Variants in STK32A observed in about 807,000 individuals in gnomAD.
STK32A encodes the protein serine/threonine kinase 32A, also known as serine/threonine-protein kinase 32A.
STK32A carries 41 observed loss-of-function variants against 53.2 expected under a neutral mutation model. That is an observed-to-expected ratio of 0.77 (90% CI 0.60 to 1.00). STK32A has a LOEUF of 1.00. Among genes scored for constraint, STK32A ranks in the 50% least tolerant of loss-of-function variants. The pLI is 0.00. For synonymous variants in STK32A, 166 were observed against 162.8 expected (o/e 1.02, Z -0.15); for missense variants, 458 against 485.8 (o/e 0.94, Z 0.54).
At chr5:147,389,575 C>A (rs527809951), downstream of STK32A, among the ~76,000 whole-genome samples, 1 of 152,268 alleles carries the variant, frequency 6.6e-6, no homozygotes, top group South Asian at 2.1e-4. Flanking sequence ...TGACAACCAA[C>A]TTTGTCCCAC....
chr5:147,255,753 C>T (rs1201792813), intron 2 of STK32A, among the ~76,000 whole-genome samples: 4 of 152,230 alleles, frequency 2.6e-5, no homozygotes, highest in Admixed American at 6.5e-5. Context: ...CCATTAACAG[C>T]ATCTCTAGTG....
intron 4 of STK32A, among the ~76,000 whole-genome samples, chr5:147,311,028 T>C (rs1446050955): frequency 6.6e-6 from 1 of 152,228 alleles, no homozygotes; most frequent in Non-Finnish European, 1.5e-5. Flanking sequence ...CAACCTGTTA[T>C]ATGATTTTTA....
At chr5:147,334,006 C>T (rs1754997856) in intron 5 of STK32A, among the ~76,000 whole-genome samples, 1 of 152,058 alleles carries the variant, frequency 6.6e-6, no homozygotes, top group South Asian at 2.1e-4. Context: ...ATATGAACAG[C>T]TCCTATTATA....
intron 4 of STK32A, among the ~76,000 whole-genome samples, chr5:147,307,028 T>C (rs1446509874): frequency 6.6e-6 from 1 of 152,140 alleles, no homozygotes; most frequent in East Asian, 1.9e-4. Flanking sequence ...TTACTAACAC[T>C]AAATGAGACA....
chr5:147,323,859 A>T (rs760720615), intron 4 of STK32A, 39 bp from the exon 5 acceptor site: 1 of 1,546,678 alleles, frequency 6.5e-7, no homozygotes, highest in Non-Finnish European at 8.8e-7. Flanking sequence ...TTAATGTGTA[A>T]ATATATTTGA....
intron 2 of STK32A, among the ~76,000 whole-genome samples, chr5:147,274,783 A>T (rs1205873279): frequency 6.6e-6 from 1 of 152,206 alleles, no homozygotes; most frequent in Non-Finnish European, 1.5e-5. Context: ...ATAGATGCAG[A>T]AAGGGAAGCA....
intron 4 of STK32A, among the ~76,000 whole-genome samples, chr5:147,306,365 T>A (rs868573784): frequency 3.9e-5 from 6 of 152,052 alleles, no homozygotes; most frequent in South Asian, 2.1e-4. Context: ...AAAAGTTTTT[T>A]AAAAACTTTT....
intron 9 of STK32A, among the ~76,000 whole-genome samples, chr5:147,371,882 TG>T (rs906039006): frequency 7.2e-5 from 11 of 152,166 alleles, no homozygotes; most frequent in African/African-American, 2.4e-4. Flanking sequence ...CTACATAGTT[TG>T]GGAAGCACAA....
chr5:147,263,038 TGAA>T (rs1460041134), intron 2 of STK32A, among the ~76,000 whole-genome samples: 7 of 152,218 alleles, frequency 4.6e-5, no homozygotes, highest in Non-Finnish European at 8.8e-5. Context: ...GTTTATCCTC[TGAA>T]GAAGAAGTTT....
chr5:147,239,842 T>C, intron 2 of STK32A, 156 bp downstream of exon 2: 1 of 606,918 alleles, frequency 1.6e-6, no homozygotes, highest in Non-Finnish European at 2.9e-6. Context: ...TGTAGGCTCA[T>C]AGCTAGGTTT....
intron 4 of STK32A, among the ~76,000 whole-genome samples, chr5:147,300,246 C>T (rs775843355): frequency 3.9e-5 from 6 of 152,154 alleles, no homozygotes; most frequent in Non-Finnish European, 8.8e-5. Context: ...GAAACTGAGG[C>T]TCAAAGGAGC....
chr5:147,263,594 C>T (rs1307275926), intron 2 of STK32A, among the ~76,000 whole-genome samples: 1 of 151,922 alleles, frequency 6.6e-6, no homozygotes, highest in African/African-American at 2.4e-5. Flanking sequence ...CAAAAATTTG[C>T]TTTGGGAAAA....
chr5:147,359,798 C>T (rs1756411859), intron 7 of STK32A, among the ~76,000 whole-genome samples: 1 of 152,156 alleles, frequency 6.6e-6, no homozygotes, highest in African/African-American at 2.4e-5. Flanking sequence ...AAATAGCCCT[C>T]CTTATTCCTG....
At chr5:147,395,340 G>T in the STK32A span, among the ~76,000 whole-genome samples, 7 of 152,154 alleles carry the variant, frequency 4.6e-5, no homozygotes, top group African/African-American at 1.7e-4. Context: ...ACTTAAACCT[G>T]GTCTTCGGCC....
rs551966853 is a variant in STK32A, at chr5:147,256,944, G to T, written c.52+17258G>T. 5.3e-5 allele frequency among the ~76,000 whole-genome samples: 8 copies of T among 152,268 alleles called. 2 individuals are homozygous for T. Among genetic ancestry groups the T allele is most frequent in the African/African-American group, 1.9e-4 (8 of 41,548 alleles). On this transcript the variant is annotated intron_variant, in intron 2 of 12. Transcript: ENST00000397936. ...TGCAGGCGGTGGGGATCAAAGAAAT[G>T]CATTTTAAATAATCTAATAGGGTTT...
In STK32A at chr5:147,241,775, A is replaced by G. The variant is rs149596418; in HGVS notation, c.52+2089A>G. Among the ~76,000 whole-genome samples the G allele has an allele frequency of 4.7e-3, 713 of 152,210 alleles. 4 individuals carry two copies. Among genetic ancestry groups the G allele is most frequent in the Non-Finnish European group, 7.0e-3 (479 of 67,998 alleles). On this transcript the variant is annotated intron_variant, in intron 2 of 12. Transcript: ENST00000397936. ...GGAAAGACAAATAGGCTTGCTTTTC[A>G]TTTAGTTGGTTTCCTCTGCTTCCTC...
At position 147,384,417 on chromosome 5, in the gene STK32A, A is replaced by G; in HGVS notation, c.*434A>G. 1.3e-6 allele frequency: 2 copies of G among 1,534,460 alleles called. No homozygotes were observed. Among genetic ancestry groups the G allele is most frequent in the Non-Finnish European group, 1.7e-6 (2 of 1,146,158 alleles). Reference sequence around the variant, plus strand: ...GACACAGGACTCAGTGAGACTTTTCAGACCTCGAAAGTTTCATAAAGTGGT... The same window carrying G: ...GACACAGGACTCAGTGAGACTTTTCGGACCTCGAAAGTTTCATAAAGTGGT... On this transcript the variant is annotated 3_prime_UTR_variant, in exon 13 of 13. Transcript: ENST00000397936.
At chr5:147,332,395 G>T (rs1284770974) in intron 5 of STK32A, among the ~76,000 whole-genome samples, 1 of 148,868 alleles carries the variant, frequency 6.7e-6, no homozygotes, top group Non-Finnish European at 1.5e-5. Context: ...GTGTTGTTTT[G>T]CTTTTATATA....
chr5:147,384,339 T>C lies in STK32A; in HGVS notation c.*356T>C, dbSNP rs759031822. On this transcript the variant is annotated 3_prime_UTR_variant, in exon 13 of 13. Transcript: ENST00000397936. The stretch of plus-strand genomic sequence containing the variant: ...TTTTATTTTAAAATTAATATATGAA[T>C]ATAGATTTATTTTTCCACTCCTTCT... The C allele has an allele frequency of 2.2e-5, 32 of 1,469,906 alleles. No homozygotes were observed. The highest frequency in any genetic ancestry group is 2.8e-5 in the Non-Finnish European group (31 of 1,103,992). The allele number at this position is 1,469,906 out of a possible 1,614,324, so 91.1% of individuals were successfully genotyped here. A position where few individuals can be genotyped will look rare whatever the true frequency, so the allele number is the denominator to read the frequency against.
Sources: allele counts gnomAD v4.1 joint callset (sites outside exome capture counted in the v4.1 genomes callset), GRCh38; gene constraint gnomAD v4.1.1; transcripts MANE v1.5; gene names NCBI Gene and HGNC (gene_info 2026-07-23, HGNC 2026-07-21).